TENT4B: variants seen among roughly 807,000 people sequenced by gnomAD.
The protein encoded by TENT4B is PAP associated domain containing 5.
A neutral mutation model predicts 75.0 loss-of-function variants in TENT4B; 10 were observed. The ratio of observed to expected loss-of-function variants is 0.13; its 90% CI spans 0.08 to 0.23. TENT4B has a LOEUF of 0.23. Ranked by LOEUF, TENT4B falls within the 10% of genes least tolerant of loss-of-function variation. The pLI is 1.00. For missense variants in TENT4B, 579 were observed against 893.8 expected, an observed-to-expected ratio of 0.65 and a Z score of 4.49; for synonymous variants, 350 against 357.7, an observed-to-expected ratio of 0.98 and a Z score of 0.24.
chr16:50,231,634 G>GT lies in TENT4B; in HGVS notation c.*2311dup. 7.1e-6 allele frequency: 7 copies of GT among 985,814 alleles called. No individual in the cohort carries two copies. In the South Asian group the frequency reaches 3.3e-4, roughly 46 times the overall value. The allele number at this position is 985,814 out of a possible 1,614,324, so 61.1% of individuals were successfully genotyped here. A position where few individuals can be genotyped will look rare whatever the true frequency, so the allele number is the denominator to read the frequency against. On this transcript the variant is annotated 3_prime_UTR_variant, in exon 12 of 12. Transcript: ENST00000561678. ...TTTTCGTAAATTTATTGGGAAAATA[G>GT]TTTTTCCTGTACTGCTGAAGTTTCT...
chr16:50,184,262 A>C (rs980352194), intron 1 of TENT4B, among the ~76,000 whole-genome samples: 8 of 152,222 alleles, frequency 5.3e-5, no homozygotes, highest in African/African-American at 1.9e-4. Flanking sequence ...AGCATGTATC[A>C]TTACTTTATC....
At chr16:50,153,258 C>G (rs1297669710), upstream of TENT4B, among the ~76,000 whole-genome samples, 4 of 144,164 alleles carry the variant, frequency 2.8e-5, no homozygotes, top group Non-Finnish European at 4.6e-5. Flanking sequence ...GAGGACGCTA[C>G]GGAGCAGGCG....
intron 1 of TENT4B, among the ~76,000 whole-genome samples, chr16:50,163,011 A>G (rs986351268): frequency 2.0e-5 from 3 of 152,176 alleles, no homozygotes; most frequent in Non-Finnish European, 4.4e-5. Flanking sequence ...TGATCTTCAA[A>G]TCTATCCTAG....
chr16:50,153,066 C>G (rs1262132895), upstream of TENT4B: 2 of 1,446,858 alleles, frequency 1.4e-6, no homozygotes, highest in Non-Finnish European at 1.8e-6. Context: ...GGCGCAAGTA[C>G]GGTTGGGCCA....
chr16:50,166,381 A>C (rs2038101142), intron 1 of TENT4B, among the ~76,000 whole-genome samples: 1 of 152,220 alleles, frequency 6.6e-6, no homozygotes, highest in Middle Eastern at 3.4e-3. Context: ...CACTGCACCC[A>C]GTCTGCACTT....
intron 7 of TENT4B, among the ~76,000 whole-genome samples, 163 bp from the exon 8 acceptor site, chr16:50,224,494 A>G (rs1196867963): frequency 2.0e-5 from 3 of 152,168 alleles, no homozygotes; most frequent in East Asian, 3.9e-4. Context: ...CATGATTCAC[A>G]TATTCAGAGA....
chr16:50,227,538 T>C (rs576229612), intron 10 of TENT4B, among the ~76,000 whole-genome samples: 11 of 152,342 alleles, frequency 7.2e-5, no homozygotes, highest in Admixed American at 1.3e-4. Flanking sequence ...CCTCACTCTT[T>C]ACCATACTCT....
At position 50,233,795 on chromosome 16, in the gene TENT4B, C is replaced by T. The variant is rs1315494452; in HGVS notation, c.*4467C>T. On this transcript the variant is annotated 3_prime_UTR_variant, in exon 12 of 12. Transcript: ENST00000561678. ...AGCCTGAAAGAAAAGGAGACAGAACCAGAGAGATGGATGTAGTGCATTCCC... is the reference window on the plus strand; with the variant it reads ...AGCCTGAAAGAAAAGGAGACAGAACTAGAGAGATGGATGTAGTGCATTCCC... 1 of 985,166 alleles carries T rather than the reference C, an allele frequency of 1.0e-6. No individual in the cohort carries two copies. Among genetic ancestry groups the T allele is most frequent in the Non-Finnish European group, 1.2e-6 (1 of 829,930 alleles). 61.0% of individuals were successfully genotyped at this position (985,166 alleles called of 1,614,324 possible).
At chr16:50,203,233 A>G (rs369777483) in intron 1 of TENT4B, among the ~76,000 whole-genome samples, 1 of 152,098 alleles carries the variant, frequency 6.6e-6, no homozygotes, top group Non-Finnish European at 1.5e-5. Flanking sequence ...TCTGTATGTC[A>G]TCATCTGTAT....
At chr16:50,186,851 A>G (rs2038537373) in intron 1 of TENT4B, among the ~76,000 whole-genome samples, 1 of 152,026 alleles carries the variant, frequency 6.6e-6, no homozygotes, top group African/African-American at 2.4e-5. Context: ...AAGTGCTAGG[A>G]TTGTAGGCGT....
At chr16:50,206,349 T>G (rs2030964626) in intron 1 of TENT4B, among the ~76,000 whole-genome samples, 1 of 144,230 alleles carries the variant, frequency 6.9e-6, no homozygotes, top group African/African-American at 2.6e-5. Flanking sequence ...AATATATATG[T>G]ATGTATTTTT....
intron 1 of TENT4B, among the ~76,000 whole-genome samples, chr16:50,175,765 C>T (rs750723733): frequency 5.9e-5 from 9 of 151,982 alleles, no homozygotes; most frequent in Non-Finnish European, 7.4e-5. Context: ...CCACCACGTC[C>T]GGCCAGTTTT....
At chr16:50,175,496 C>CT (rs1181897065) in intron 1 of TENT4B, among the ~76,000 whole-genome samples, 1 of 152,106 alleles carries the variant, frequency 6.6e-6, no homozygotes, top group African/African-American at 2.4e-5. Context: ...TGGATTCTCT[C>CT]TTTTTTTGAG....
chr16:50,228,853 T>C (rs557988486), intron 11 of TENT4B, among the ~76,000 whole-genome samples: 2 of 152,344 alleles, frequency 1.3e-5, no homozygotes, highest in East Asian at 1.9e-4. Flanking sequence ...CTGTCACTTA[T>C]GATGTGGTGT....
intron 1 of TENT4B, among the ~76,000 whole-genome samples, chr16:50,183,556 G>C (rs1250795431): frequency 7.4e-6 from 1 of 135,048 alleles, no homozygotes; most frequent in Non-Finnish European, 1.6e-5. Context: ...TATTTTTACA[G>C]TACTTTGAAT....
Position 50,233,582 on chromosome 16 carries a change from T to G in TENT4B, c.*4254T>G. The G allele has an allele frequency of 2.0e-6, 2 of 984,100 alleles. No homozygotes were observed. Among genetic ancestry groups the G allele is most frequent in the Non-Finnish European group, 2.4e-6 (2 of 828,708 alleles). The allele number at this position is 984,100 out of a possible 1,614,324, so 61.0% of individuals were successfully genotyped here. On this transcript the variant is annotated 3_prime_UTR_variant, in exon 12 of 12. Coordinates refer to ENST00000561678, the MANE Select transcript of TENT4B (RefSeq NM_001365324.3). Reference sequence around the variant, plus strand: ...CAAAATTATTAACCAGAAAAATTGCTTATAAAGGCTGCTGATCTATTTGAT... The same window carrying G: ...CAAAATTATTAACCAGAAAAATTGCGTATAAAGGCTGCTGATCTATTTGAT...
At chr16:50,153,152 G>C, upstream of TENT4B, 4 of 519,656 alleles carry the variant, frequency 7.7e-6, no homozygotes, top group Non-Finnish European at 1.1e-5. Context: ...CGGCGCAGCG[G>C]GGGCGGGGCG....
In TENT4B at chr16:50,198,119, TAA is replaced by T. The variant is rs10682302; in HGVS notation, c.639-13189_639-13188del. ...TGTAATATGTGACAGAAAATATAAT[TAA>T]AAAAAAAAAAAAAAGCCGGGCACAG... On this transcript the variant is annotated intron_variant, in intron 1 of 11. Transcript: ENST00000561678. Among the ~76,000 whole-genome samples the T allele has an allele frequency of 8.6e-4, 115 of 134,148 alleles. 2 individuals carry two copies. Among genetic ancestry groups the T allele is most frequent in the African/African-American group, 2.5e-3 (89 of 35,608 alleles). 88.0% of individuals were successfully genotyped at this position (134,148 alleles called of 152,430 possible).
At chr16:50,208,723 T>C (rs2031117690) in intron 1 of TENT4B, among the ~76,000 whole-genome samples, 1 of 152,200 alleles carries the variant, frequency 6.6e-6, no homozygotes, top group East Asian at 1.9e-4. Context: ...TGGTAGTGTT[T>C]AGAGAATGAA....
Sources: allele counts gnomAD v4.1 joint callset (sites outside exome capture counted in the v4.1 genomes callset), GRCh38; gene constraint gnomAD v4.1.1; transcripts MANE v1.5; gene names NCBI Gene and HGNC (gene_info 2026-07-23, HGNC 2026-07-21).